Variants in DCDC2 observed in about 807,000 individuals in gnomAD.
DCDC2 encodes doublecortin domain containing 2, also known as doublecortin domain-containing protein 2.
Under a neutral mutation model 50.2 loss-of-function variants are expected in DCDC2, and 40 were observed. That is an observed-to-expected ratio of 0.80 (90% CI 0.62 to 1.04). The LOEUF (loss-of-function observed/expected upper bound fraction) is 1.04, where lower values mean the gene tolerates loss of function less well. DCDC2 is among the 50% of genes least tolerant of loss of function. The pLI is 0.00. For synonymous variants in DCDC2, 234 were observed against 210.6 expected (o/e 1.11, Z -0.96); for missense variants, 570 against 581.9 (o/e 0.98, Z 0.21).
At chr6:24,254,151 T>G (rs544025064) in intron 7 of DCDC2, among the ~76,000 whole-genome samples, 1 of 152,300 alleles carries the variant, frequency 6.6e-6, no homozygotes, top group South Asian at 2.1e-4. Flanking sequence ...TGGAAGGTCT[T>G]CAGAGGCAAT....
Position 24,298,204 on chromosome 6 carries a change from A to C in DCDC2, c.557+3511T>G, listed in dbSNP as rs961293584. On this transcript the variant is annotated intron_variant, in intron 4 of 9. Coordinates refer to ENST00000378454, the MANE Select transcript of DCDC2 (RefSeq NM_016356.5). ...AGGCTTCATGCTCCTATGAGAATCT[A>C]ATGCTGCTGCTGATCTGACAGGGGG... 3.9e-5 allele frequency among the ~76,000 whole-genome samples: 6 copies of C among 152,216 alleles called. No homozygotes were observed. In the South Asian group the frequency reaches 1.0e-3, roughly 26 times the overall value.
intron 2 of DCDC2, among the ~76,000 whole-genome samples, chr6:24,332,617 G>A (rs1759986080): frequency 6.6e-6 from 1 of 152,162 alleles, no homozygotes; most frequent in African/African-American, 2.4e-5. Flanking sequence ...ATAAGTCATA[G>A]TTTTACGGTA....
At chr6:24,331,658 A>G (rs1361958933) in intron 2 of DCDC2, among the ~76,000 whole-genome samples, 2 of 152,164 alleles carry the variant, frequency 1.3e-5, no homozygotes, top group Non-Finnish European at 2.9e-5. Flanking sequence ...ATTTTTTATA[A>G]TTATATAAAG....
At chr6:24,303,057 C>T (rs1178747426) in intron 2 of DCDC2, among the ~76,000 whole-genome samples, 1 of 151,832 alleles carries the variant, frequency 6.6e-6, no homozygotes, top group Non-Finnish European at 1.5e-5. Context: ...GAAGCTAACC[C>T]CACATCTTGA....
intron 7 of DCDC2, among the ~76,000 whole-genome samples, chr6:24,222,846 G>A (rs957532322): frequency 6.6e-6 from 1 of 151,990 alleles, no homozygotes; most frequent in Non-Finnish European, 1.5e-5. Context: ...AAGTTACAAA[G>A]TTCTATTATT....
chr6:24,199,419 G>T lies in DCDC2; in HGVS notation c.1023+5583C>A, dbSNP rs1761531587. On this transcript the variant is annotated intron_variant, in intron 8 of 9. Transcript: ENST00000378454. ...ACTCCAGCAGACCTGCAGCAGAGGG[G>T]CCTGACTGTTACAAGAAAAACTAAC... 1.3e-5 allele frequency among the ~76,000 whole-genome samples: 2 copies of T among 152,172 alleles called. 1 individual carries two copies. The highest frequency in any genetic ancestry group is 4.1e-4 in the South Asian group (2 of 4,826).
At chr6:24,376,464 C>T in the DCDC2 span, among the ~76,000 whole-genome samples, 11 of 151,964 alleles carry the variant, frequency 7.2e-5, no homozygotes, top group Admixed American at 4.6e-4. Context: ...CTTGGCTGCA[C>T]GAGCAGTAGA....
In DCDC2 at chr6:24,350,126, TG is replaced by T. The variant is rs139571949; in HGVS notation, c.348+3442del. Among the ~76,000 whole-genome samples the T allele has an allele frequency of 7.8e-3, 1,194 of 152,294 alleles. 16 individuals carry two copies. The highest frequency in any genetic ancestry group is 0.026 in the African/African-American group (1,088 of 41,554). ...AAAGAGGAAGAGGAATAGCATTGGC[TG>T]TCCTTAAGTATCTCTTCAAAGATGA... On this transcript the variant is annotated intron_variant, in intron 2 of 9. Coordinates refer to ENST00000378454, the MANE Select transcript of DCDC2 (RefSeq NM_016356.5).
At chr6:24,267,878 T>C (rs1763157812) in intron 7 of DCDC2, among the ~76,000 whole-genome samples, 1 of 152,120 alleles carries the variant, frequency 6.6e-6, no homozygotes, top group Non-Finnish European at 1.5e-5. Flanking sequence ...ACTGATCTGA[T>C]CAGAATCACA....
At chr6:24,382,363 A>G in the DCDC2 span, among the ~76,000 whole-genome samples, 1 of 152,138 alleles carries the variant, frequency 6.6e-6, no homozygotes. Flanking sequence ...ATCACTAAGT[A>G]AACAGGTATA....
At chr6:24,221,097 C>A (rs1256687643) in intron 7 of DCDC2, among the ~76,000 whole-genome samples, 1 of 152,150 alleles carries the variant, frequency 6.6e-6, no homozygotes, top group Admixed American at 6.5e-5. Context: ...ATCATCCACA[C>A]TGGAGAAAAC....
At chr6:24,299,367 C>T (rs1424029661) in intron 4 of DCDC2, among the ~76,000 whole-genome samples, 1 of 152,168 alleles carries the variant, frequency 6.6e-6, no homozygotes, top group African/African-American at 2.4e-5. Flanking sequence ...TGAAAAACTA[C>T]TTATTGGGTA....
the DCDC2 span, among the ~76,000 whole-genome samples, chr6:24,371,823 GAC>G: frequency 6.6e-6 from 1 of 152,112 alleles, no homozygotes; most frequent in African/African-American, 2.4e-5. Flanking sequence ...GATATGAACA[GAC>G]ACTTCTCAAA....
intron 2 of DCDC2, among the ~76,000 whole-genome samples, chr6:24,306,381 C>T (rs1224225549): frequency 6.6e-6 from 1 of 152,090 alleles, no homozygotes; most frequent in African/African-American, 2.4e-5. Flanking sequence ...CTTGAAAAAC[C>T]AAATTTATTT....
chr6:24,242,692 T>C (rs1762590006), intron 7 of DCDC2, among the ~76,000 whole-genome samples: 1 of 152,188 alleles, frequency 6.6e-6, no homozygotes. Flanking sequence ...TTGGGCATGG[T>C]GGCTCACGCC....
At chr6:24,352,839 T>C (rs2127255045) in intron 2 of DCDC2, among the ~76,000 whole-genome samples, 2 of 152,318 alleles carry the variant, frequency 1.3e-5, no homozygotes, top group East Asian at 3.9e-4. Context: ...GAAGAGTGGC[T>C]GTCTGGGCTG....
chr6:24,219,814 G>A (rs1762059663), intron 7 of DCDC2, among the ~76,000 whole-genome samples: 1 of 152,218 alleles, frequency 6.6e-6, no homozygotes, highest in South Asian at 2.1e-4. Context: ...CAATATGTGT[G>A]TGTTTGTGGT....
At chr6:24,355,890 A>T (rs1760458849) in intron 1 of DCDC2, among the ~76,000 whole-genome samples, 1 of 152,196 alleles carries the variant, frequency 6.6e-6, no homozygotes, top group Admixed American at 6.5e-5. Context: ...CTATGTAGTT[A>T]TAAGACTTTA....
At chr6:24,276,428 T>C (rs1158564175) in intron 7 of DCDC2, among the ~76,000 whole-genome samples, 1 of 122,952 alleles carries the variant, frequency 8.1e-6, no homozygotes, top group Non-Finnish European at 1.8e-5. Flanking sequence ...AAAAAAAAAA[T>C]GAAAAGTTTA....
Sources: gnomAD v4.1 joint callset for allele counts (sites outside exome capture counted in the v4.1 genomes callset) on GRCh38, gnomAD v4.1.1 for gene constraint, MANE v1.5 for transcripts, NCBI Gene and HGNC (gene_info 2026-07-23, HGNC 2026-07-21) for gene names.